Variants in CSMD2 observed in about 807,000 individuals in gnomAD.
The protein encoded by CSMD2 is CUB and sushi domain-containing protein 2.
A neutral mutation model predicts 398.5 loss-of-function variants in CSMD2; 130 were observed. That is an observed-to-expected ratio of 0.33 (90% CI 0.28 to 0.38). The LOEUF (loss-of-function observed/expected upper bound fraction) is 0.38. Ranked by LOEUF, CSMD2 falls within the 10% of genes least tolerant of loss-of-function variation. The pLI is 1.00. For missense variants in CSMD2, 3,829 were observed against 4,764.9 expected, an observed-to-expected ratio of 0.80 and a Z score of 5.78; for synonymous variants, 1,828 against 1,908.5, an observed-to-expected ratio of 0.96 and a Z score of 1.10.
chr1:33,571,883 T>C (rs138507294), intron 50 of CSMD2, among the ~76,000 whole-genome samples, 157 bp from the exon 51 acceptor site: 1 of 151,892 alleles, frequency 6.6e-6, no homozygotes, highest in East Asian at 1.9e-4. Flanking sequence ...AACAGGTGGG[T>C]TGGGTGGGGG....
chr1:33,852,667 A>T (rs1476698366), intron 5 of CSMD2, among the ~76,000 whole-genome samples: 1 of 152,368 alleles, frequency 6.6e-6, no homozygotes, highest in Non-Finnish European at 1.5e-5. Context: ...TGAGTTGACC[A>T]TCTCTTCAAC....
chr1:34,155,132 G>A (rs1387149114), intron 1 of CSMD2, among the ~76,000 whole-genome samples: 8 of 152,206 alleles, frequency 5.3e-5, no homozygotes, highest in Admixed American at 3.9e-4. Context: ...GGCAAACTTT[G>A]TAAATAAGAG....
intron 64 of CSMD2, among the ~76,000 whole-genome samples, chr1:33,528,894 T>C (rs1456975336): frequency 6.6e-6 from 1 of 152,204 alleles, no homozygotes; most frequent in Non-Finnish European, 1.5e-5. Context: ...TCTAAATAAA[T>C]GGAAAGACAT....
chr1:33,784,746 G>C (rs1324448500), intron 12 of CSMD2, among the ~76,000 whole-genome samples: 1 of 152,182 alleles, frequency 6.6e-6, no homozygotes, highest in Non-Finnish European at 1.5e-5. Context: ...TGGAAGGTTT[G>C]GCTGGAGAGA....
chr1:33,930,511 G>C (rs1644278776), intron 4 of CSMD2, among the ~76,000 whole-genome samples: 1 of 152,176 alleles, frequency 6.6e-6, no homozygotes. Context: ...ACAGCCTGCC[G>C]TGTTTGGCTT....
At chr1:33,982,551 T>C (rs1314046468) in intron 3 of CSMD2, among the ~76,000 whole-genome samples, 1 of 152,224 alleles carries the variant, frequency 6.6e-6, no homozygotes, top group Non-Finnish European at 1.5e-5. Context: ...TCACAGGCAC[T>C]GTACGTCCCC....
At chr1:33,844,446 G>A (rs982535189) in intron 6 of CSMD2, among the ~76,000 whole-genome samples, 20 of 152,216 alleles carry the variant, frequency 1.3e-4, no homozygotes, top group African/African-American at 4.1e-4. Context: ...TGTCAATAGC[G>A]CAGAGCCTGA....
chr1:33,929,487 G>A (rs1644243902), intron 4 of CSMD2, among the ~76,000 whole-genome samples: 1 of 138,920 alleles, frequency 7.2e-6, no homozygotes, highest in Non-Finnish European at 1.5e-5. Flanking sequence ...ACTCAGGTTG[G>A]AGTGCAGTGG....
intron 3 of CSMD2, among the ~76,000 whole-genome samples, chr1:33,963,841 G>T (rs1425684012): frequency 6.6e-6 from 1 of 152,130 alleles, no homozygotes; most frequent in Non-Finnish European, 1.5e-5. Flanking sequence ...CTAGTTTTCT[G>T]TTCTTACAAA....
chr1:34,024,447 G>A (rs930072702), intron 3 of CSMD2, among the ~76,000 whole-genome samples: 2 of 152,196 alleles, frequency 1.3e-5, no homozygotes, highest in Non-Finnish European at 2.9e-5. Context: ...TCCCCAAAGG[G>A]GTAAAATATT....
intron 25 of CSMD2, among the ~76,000 whole-genome samples, chr1:33,690,816 T>C (rs1218193162): frequency 6.6e-6 from 1 of 152,188 alleles, no homozygotes; most frequent in Non-Finnish European, 1.5e-5. Flanking sequence ...TGCTAAGAGC[T>C]GGGAGACTTG....
chr1:33,652,596 G>A, intron 27 of CSMD2, 135 bp from the exon 28 acceptor site: 1 of 911,352 alleles, frequency 1.1e-6, no homozygotes, highest in Non-Finnish European at 1.6e-6. Flanking sequence ...AGGGACTCAG[G>A]AGAAGGTGAA....
Position 33,519,467 on chromosome 1 carries a change from G to A in CSMD2, c.*51C>T. 2 of 1,584,162 alleles carry A rather than the reference G, an allele frequency of 1.3e-6. No homozygotes were observed. The highest frequency in any genetic ancestry group is 1.7e-6 in the Non-Finnish European group (2 of 1,159,674). ...CTTCCTCCCACACCCCTGCTCACCGGCTGCTGGAGGCGGGGCTCTCGGTGG... is the reference window on the plus strand; with the variant it reads ...CTTCCTCCCACACCCCTGCTCACCGACTGCTGGAGGCGGGGCTCTCGGTGG... On this transcript the variant is annotated splice_region_variant and 3_prime_UTR_variant, in exon 70 of 71. Transcript: ENST00000373381. This position sits in a 1 kb window ranked among gnomAD's most constrained non-coding sequence, Gnocchi z 5.6.
intron 3 of CSMD2, among the ~76,000 whole-genome samples, chr1:34,003,450 T>C (rs892855949): frequency 6.6e-6 from 1 of 152,170 alleles, no homozygotes; most frequent in African/African-American, 2.4e-5. Flanking sequence ...ACAGCCTGCA[T>C]CCATCATGCC....
chr1:33,955,500 C>G (rs1412351802), intron 3 of CSMD2, among the ~76,000 whole-genome samples: 1 of 152,162 alleles, frequency 6.6e-6, no homozygotes, highest in Non-Finnish European at 1.5e-5. Flanking sequence ...CGGGTCATTA[C>G]TAGAAAGGCA....
In CSMD2 at chr1:34,032,615, C is replaced by T. The variant is rs1193248078; in HGVS notation, c.496G>A (p.Gly166Ser). Residue 166 changes from glycine to serine, a missense_variant, in exon 3 of 71, where the codon GGC (glycine) becomes AGC (serine). By Grantham distance (56) the Gly-to-Ser change is moderately conservative (BLOSUM62 0). This residue lies in a region of CSMD2 where 4 missense variants were observed against 22.0 expected (regional missense o/e 0.18). Transcript: ENST00000373381. ...TTACCTTCATAGGTGGCGTGGAAGC[C>T]TTGGGCACTGACTGCATAGTCGCTG... ...LISDYAVSAQGFHATYEVLPS... is the reference protein window; with the variant it reads ...LISDYAVSAQSFHATYEVLPS... 1 of 1,595,824 alleles carries T rather than the reference C, an allele frequency of 6.3e-7. No homozygotes were observed. Among genetic ancestry groups the T allele is most frequent in the Admixed American group, 1.7e-5 (1 of 57,484 alleles).
chr1:33,568,418 C>G (rs945592770), intron 52 of CSMD2, among the ~76,000 whole-genome samples: 1 of 152,094 alleles, frequency 6.6e-6, no homozygotes, highest in African/African-American at 2.4e-5. Context: ...AACTCCTGGC[C>G]TCAAATGATC....
intron 49 of CSMD2, among the ~76,000 whole-genome samples, chr1:33,573,054 T>A (rs10712227): frequency 0.5 from 75,618 of 151,640 alleles, 19,065 homozygotes; most frequent in Admixed American, 0.63. Context: ...TGAGGGGGGA[T>A]CTCTCTTAGG....
At chr1:33,644,082 C>T (rs968887534) in intron 29 of CSMD2, among the ~76,000 whole-genome samples, 1 of 152,144 alleles carries the variant, frequency 6.6e-6, no homozygotes, top group Non-Finnish European at 1.5e-5. Context: ...CTCTCTTCTC[C>T]CCTCTCTCCA....
Sources: allele counts gnomAD v4.1 joint callset (sites outside exome capture counted in the v4.1 genomes callset), GRCh38; gene constraint gnomAD v4.1.1; regional missense constraint gnomAD v4.1.1; non-coding constraint Gnocchi (gnomAD v3.1); transcripts MANE v1.5; gene names NCBI Gene and HGNC (gene_info 2026-07-23, HGNC 2026-07-21).